FAM13B: variants seen among roughly 807,000 people sequenced by gnomAD.
FAM13B encodes family with sequence similarity 13 member B.
In FAM13B, 60 loss-of-function variants were observed where a neutral mutation model predicts 117.3. The observed-to-expected ratio is 0.51, with a 90% confidence interval of 0.42 to 0.63. The LOEUF is 0.63. Ranked by LOEUF, FAM13B falls within the 30% of genes least tolerant of loss-of-function variation. The pLI is 0.00. For synonymous variants in FAM13B, 332 were observed against 356.1 expected (o/e 0.93, Z 0.76); for missense variants, 972 against 1,091.9 (o/e 0.89, Z 1.55).
intron 7 of FAM13B, among the ~76,000 whole-genome samples, chr5:138,003,242 G>A (rs1228536550): frequency 6.6e-6 from 1 of 152,024 alleles, no homozygotes; most frequent in Non-Finnish European, 1.5e-5. Flanking sequence ...ATTGACCACA[G>A]TCTAGAAGGT....
intron 1 of FAM13B, among the ~76,000 whole-genome samples, chr5:138,040,410 A>G (rs1044155633): frequency 1.3e-5 from 2 of 151,564 alleles, no homozygotes; most frequent in Non-Finnish European, 2.9e-5. Context: ...TCTACTAAAA[A>G]TATTAAAAAA....
rs148499490 is a variant in FAM13B at position 137,940,710 on chromosome 5, G to A, written c.2691-362C>T. Among the ~76,000 whole-genome samples, 756 of 152,220 alleles carry A rather than the reference G, an allele frequency of 5.0e-3. 2 individuals carry two copies. Among genetic ancestry groups the A allele is most frequent in the African/African-American group, 0.012 (494 of 41,516 alleles). On this transcript the variant is annotated intron_variant, in intron 23 of 23. Coordinates refer to ENST00000689681, the MANE Select transcript of FAM13B (RefSeq NM_001385994.1). ...TCATTTAATACATTTAGTTAACTGC[G>A]GCTCCAGTGAATTGAGATGTAAAAG...
chr5:138,044,447 G>A (rs1052294090), intron 1 of FAM13B, among the ~76,000 whole-genome samples: 4 of 151,618 alleles, frequency 2.6e-5, no homozygotes, highest in African/African-American at 9.7e-5. Context: ...AGCTACTCAG[G>A]AGGCTGAGGC....
At chr5:137,982,556 C>T (rs1776064152) in intron 10 of FAM13B, among the ~76,000 whole-genome samples, 1 of 151,810 alleles carries the variant, frequency 6.6e-6, no homozygotes, top group South Asian at 2.1e-4. Flanking sequence ...ACCTTCATTC[C>T]AGAAGTATCT....
chr5:138,013,321 G>A (rs971968330), intron 4 of FAM13B, among the ~76,000 whole-genome samples: 2 of 152,044 alleles, frequency 1.3e-5, no homozygotes, highest in African/African-American at 2.4e-5. Context: ...CTAACACAGT[G>A]AAATCCCATC....
At chr5:138,002,219 G>A (rs2150781509) in intron 7 of FAM13B, among the ~76,000 whole-genome samples, 1 of 152,242 alleles carries the variant, frequency 6.6e-6, no homozygotes, top group East Asian at 1.9e-4. Flanking sequence ...TGGATTGCTG[G>A]GGATTAGAAA....
At chr5:137,962,904 C>T (rs960831124) in intron 10 of FAM13B, among the ~76,000 whole-genome samples, 7 of 152,002 alleles carry the variant, frequency 4.6e-5, no homozygotes, top group Admixed American at 3.9e-4. Flanking sequence ...AACTATTTTC[C>T]ACAAAGAAAG....
At chr5:137,974,026 C>A (rs1241107099) in intron 10 of FAM13B, among the ~76,000 whole-genome samples, 1 of 142,726 alleles carries the variant, frequency 7.0e-6, no homozygotes, top group Non-Finnish European at 1.5e-5. Flanking sequence ...ACTAGTTCAA[C>A]CATTGTGGAA....
chr5:137,960,772 C>T (rs542150639), intron 11 of FAM13B, among the ~76,000 whole-genome samples: 1 of 152,228 alleles, frequency 6.6e-6, no homozygotes, highest in African/African-American at 2.4e-5. Context: ...TAAAAAATTT[C>T]AGTCCACCTT....
chr5:138,045,719 C>T (rs1791622001), intron 1 of FAM13B, among the ~76,000 whole-genome samples: 1 of 151,842 alleles, frequency 6.6e-6, no homozygotes, highest in African/African-American at 2.4e-5. Flanking sequence ...CAAACAGTGG[C>T]CAGACACAGT....
At chr5:138,016,723 C>T (rs1310339578) in intron 4 of FAM13B, among the ~76,000 whole-genome samples, 2 of 152,284 alleles carry the variant, frequency 1.3e-5, no homozygotes, top group East Asian at 1.9e-4. Flanking sequence ...ACCAGTGAGT[C>T]AATGACTTTG....
chr5:137,972,353 G>T (rs934508733), intron 10 of FAM13B, among the ~76,000 whole-genome samples: 5 of 152,040 alleles, frequency 3.3e-5, no homozygotes, highest in Admixed American at 1.3e-4. Flanking sequence ...CAGAACCAAA[G>T]ACAAAAACCA....
intron 18 of FAM13B, among the ~76,000 whole-genome samples, chr5:137,946,637 G>C (rs1265381782): frequency 6.6e-6 from 1 of 152,138 alleles, no homozygotes; most frequent in African/African-American, 2.4e-5. Flanking sequence ...GGAATACTTC[G>C]TTCTACCTTA....
chr5:138,011,446 TC>T (rs1783980059), intron 5 of FAM13B, among the ~76,000 whole-genome samples: 4 of 151,954 alleles, frequency 2.6e-5, no homozygotes, highest in Admixed American at 6.6e-5. Flanking sequence ...TGAGATGGAG[TC>T]TCGCTCTGTC....
At chr5:137,943,376 A>G (rs529850702) in intron 20 of FAM13B, among the ~76,000 whole-genome samples, 160 bp from the exon 21 acceptor site, 1 of 152,264 alleles carries the variant, frequency 6.6e-6, no homozygotes, top group South Asian at 2.1e-4. Context: ...TTTTGCTTAT[A>G]TTTTTATTTA....
chr5:137,959,118 C>T (rs1301293142), intron 13 of FAM13B, among the ~76,000 whole-genome samples: 1 of 152,124 alleles, frequency 6.6e-6, no homozygotes, highest in African/African-American at 2.4e-5. Context: ...TTTTTAGAGT[C>T]CCCTGCACCA....
At position 138,021,048 on chromosome 5, in the gene FAM13B, C is replaced by T. The variant is rs1469893398; in HGVS notation, c.-53G>A. ...AAACTTACCTTTCAGTACTTAAATA[C>T]CTAAGTTTAAAAAATGGCTTCTGCA... is the stretch of plus-strand genomic sequence containing the variant. On this transcript the variant is annotated 5_prime_UTR_variant, in exon 2 of 24. Transcript: ENST00000689681. 1.6e-6 allele frequency: 2 copies of T among 1,231,338 alleles called. No individual in the cohort carries two copies. Among genetic ancestry groups the T allele is most frequent in the African/African-American group, 3.1e-5 (2 of 64,400 alleles). 76.3% of individuals were successfully genotyped at this position (1,231,338 alleles called of 1,614,324 possible). A position where few individuals can be genotyped will look rare whatever the true frequency, so the allele number is the denominator to read the frequency against.
At chr5:137,966,486 T>TAGAGAGAGAGAGAGAGAG (rs1244578551) in intron 10 of FAM13B, among the ~76,000 whole-genome samples, 5 of 44,020 alleles carry the variant, frequency 1.1e-4, no homozygotes, top group Non-Finnish European at 1.6e-4. Context: ...TATATATATA[T>TAGAGAGAGAGAGAGAGAG]ATAGAGAGAG....
chr5:137,960,424 T>C (rs1242676140), intron 11 of FAM13B, among the ~76,000 whole-genome samples: 3 of 152,032 alleles, frequency 2.0e-5, no homozygotes, highest in Non-Finnish European at 4.4e-5. Context: ...ACTTCGGGTT[T>C]AGAAAAATCA....
Sources: gnomAD v4.1 joint callset for allele counts (sites outside exome capture counted in the v4.1 genomes callset) on GRCh38, gnomAD v4.1.1 for gene constraint, MANE v1.5 for transcripts, NCBI Gene and HGNC (gene_info 2026-07-23, HGNC 2026-07-21) for gene names.